The following DPP10 variants were observed in gnomAD, a reference collection of about 807,000 sequenced individuals.
The protein encoded by DPP10 is dipeptidyl peptidase like 10, also known as inactive dipeptidyl peptidase 10.
In DPP10, 33 loss-of-function variants were observed where a neutral mutation model predicts 120.9. That is an observed-to-expected ratio of 0.27 (90% confidence interval 0.21 to 0.37). DPP10 has a LOEUF of 0.37. DPP10 is among the 10% of genes least tolerant of loss of function. The pLI is 1.00. For synonymous variants in DPP10, 337 were observed against 326.1 expected, an observed-to-expected ratio of 1.03 and a Z score of -0.36; for missense variants, 816 against 942.8, an observed-to-expected ratio of 0.87 and a Z score of 1.76.
chr2:115,206,885 C>G (rs1417642933), intron 1 of DPP10, among the ~76,000 whole-genome samples: 1 of 152,184 alleles, frequency 6.6e-6, no homozygotes, highest in Non-Finnish European at 1.5e-5. Flanking sequence ...TTCAGCCATG[C>G]TGAGGGTTCT....
intron 1 of DPP10, among the ~76,000 whole-genome samples, chr2:114,489,613 T>C (rs1188270017): frequency 6.6e-6 from 1 of 152,198 alleles, no homozygotes; most frequent in Non-Finnish European, 1.5e-5. Context: ...CATTTTAGCT[T>C]TTTACTCAGT....
In DPP10 at chr2:114,485,487, G is replaced by A. The variant is rs369896504; in HGVS notation, c.60+42649G>A. 1.3e-4 allele frequency among the ~76,000 whole-genome samples: 20 copies of A among 150,410 alleles called. No individual in the cohort carries two copies. In the East Asian group the frequency reaches 1.4e-3, roughly 10 times the overall value. ...GTTTTTTTTTTTTTTGCGGGGAGGG[G>A]ATCTATCTGCTTCCTTAATGTTTCA... On this transcript the variant is annotated intron_variant, in intron 1 of 25. Transcript: ENST00000410059.
chr2:115,514,614 A>G (rs1189082885), intron 4 of DPP10, among the ~76,000 whole-genome samples: 27 of 151,838 alleles, frequency 1.8e-4, no homozygotes, highest in Non-Finnish European at 1.5e-5. Context: ...CATTAGATAC[A>G]TGTGGCTACT....
intron 5 of DPP10, among the ~76,000 whole-genome samples, chr2:115,645,745 C>T (rs1323208955): frequency 6.6e-6 from 1 of 152,110 alleles, no homozygotes; most frequent in Non-Finnish European, 1.5e-5. Context: ...CATTATATAA[C>T]ATGCTATGTT....
chr2:115,269,324 A>G (rs768341154), intron 1 of DPP10, among the ~76,000 whole-genome samples: 1 of 152,226 alleles, frequency 6.6e-6, no homozygotes, highest in Non-Finnish European at 1.5e-5. Flanking sequence ...AATACAGGGT[A>G]GCTGTATTTG....
intron 1 of DPP10, among the ~76,000 whole-genome samples, chr2:114,957,118 G>A (rs1366073628): frequency 6.6e-6 from 1 of 151,614 alleles, no homozygotes; most frequent in Non-Finnish European, 1.5e-5. Flanking sequence ...GCATGGCAAA[G>A]GAAATAATAG....
At chr2:115,404,415 C>T (rs1468581974) in intron 3 of DPP10, among the ~76,000 whole-genome samples, 1 of 152,134 alleles carries the variant, frequency 6.6e-6, no homozygotes, top group African/African-American at 2.4e-5. Flanking sequence ...TACAGTTCAA[C>T]AGGAGATTTA....
intron 1 of DPP10, among the ~76,000 whole-genome samples, chr2:115,189,345 C>G (rs933107804): frequency 3.3e-5 from 5 of 151,818 alleles, no homozygotes; most frequent in African/African-American, 1.2e-4. Flanking sequence ...GAACAGGTGA[C>G]TCAGGATGAG....
chr2:115,824,778 TA>T (rs1354164372), intron 21 of DPP10, among the ~76,000 whole-genome samples: 4 of 152,310 alleles, frequency 2.6e-5, no homozygotes, highest in Admixed American at 1.3e-4. Context: ...CAGTGTTCTT[TA>T]ACTATGTAAA....
chr2:115,590,371 A>T (rs917572383), intron 5 of DPP10, among the ~76,000 whole-genome samples: 135 of 151,862 alleles, frequency 8.9e-4, no homozygotes, highest in Admixed American at 2.0e-3. Flanking sequence ...CCTGTGTCCA[A>T]GTGTTCTCAT....
intron 5 of DPP10, among the ~76,000 whole-genome samples, chr2:115,558,738 T>A (rs2080373856): frequency 6.6e-6 from 1 of 152,164 alleles, no homozygotes; most frequent in South Asian, 2.1e-4. Flanking sequence ...GAAAATCATA[T>A]ATAGTCTATG....
chr2:114,656,953 T>G (rs1467972101), intron 1 of DPP10, among the ~76,000 whole-genome samples: 1 of 152,122 alleles, frequency 6.6e-6, no homozygotes, highest in Admixed American at 6.5e-5. Flanking sequence ...AGATCAACTT[T>G]ATAAGCACCG....
At chr2:115,590,150 CTT>C (rs2082547137) in intron 5 of DPP10, among the ~76,000 whole-genome samples, 1 of 50,948 alleles carries the variant, frequency 2.0e-5, no homozygotes, top group African/African-American at 6.7e-5. Context: ...TATTTGTTTT[CTT>C]TATTATTATT....
chr2:114,607,416 T>G (rs909493700), intron 1 of DPP10, among the ~76,000 whole-genome samples: 1 of 152,180 alleles, frequency 6.6e-6, no homozygotes, highest in Non-Finnish European at 1.5e-5. Context: ...TGGGCTAGAT[T>G]TAAGTATGAA....
In DPP10 at chr2:115,520,356, A is replaced by G. The variant is rs557444667; in HGVS notation, c.367-5542A>G. Among the ~76,000 whole-genome samples the G allele has an allele frequency of 4.6e-5, 7 of 152,172 alleles. No homozygotes were observed. In the East Asian group the frequency reaches 1.4e-3, roughly 29 times the overall value. The stretch of plus-strand genomic sequence containing the variant: ...ACAAAACATAAAGGATATGTGTGTG[A>G]ATATTTAGGGAGTTTGATGGGCTGG... On this transcript the variant is annotated intron_variant, in intron 4 of 25. Transcript: ENST00000410059.
chr2:115,700,313 G>A (rs576060161), intron 7 of DPP10, among the ~76,000 whole-genome samples: 2 of 151,580 alleles, frequency 1.3e-5, no homozygotes, highest in African/African-American at 4.8e-5. Context: ...CTACATTAAT[G>A]AAATTAAAGA....
intron 1 of DPP10, among the ~76,000 whole-genome samples, chr2:115,274,598 C>T (rs773741574): frequency 6.6e-6 from 1 of 152,140 alleles, no homozygotes; most frequent in Non-Finnish European, 1.5e-5. Context: ...TATTCATTGA[C>T]AACTATCCAT....
intron 1 of DPP10, among the ~76,000 whole-genome samples, chr2:114,898,244 A>T (rs1693213600): frequency 6.6e-6 from 1 of 152,124 alleles, no homozygotes; most frequent in Non-Finnish European, 1.5e-5. Context: ...AAACTATCGC[A>T]AGGACAAAAA....
intron 5 of DPP10, among the ~76,000 whole-genome samples, chr2:115,587,462 T>G (rs2082369283): frequency 6.6e-6 from 1 of 152,186 alleles, no homozygotes; most frequent in Admixed American, 6.5e-5. Context: ...GTAAGTGAGA[T>G]TATACAGTAT....
Sources: allele counts gnomAD v4.1 joint callset (sites outside exome capture counted in the v4.1 genomes callset), GRCh38; gene constraint gnomAD v4.1.1; transcripts MANE v1.5; gene names NCBI Gene and HGNC (gene_info 2026-07-23, HGNC 2026-07-21).